The following NALF1 variants were observed in gnomAD, a reference collection of about 807,000 sequenced individuals.
The protein encoded by NALF1 is family with sequence similarity 155 member A.
A neutral mutation model predicts 48.4 loss-of-function variants in NALF1; 3 were observed. The observed-to-expected ratio is 0.06, with a 90% CI of 0.03 to 0.16. The LOEUF is 0.16. Ranked by LOEUF, NALF1 falls within the 10% of genes least tolerant of loss-of-function variation. The pLI, the probability that NALF1 is intolerant of heterozygous loss-of-function variation, is 1.00. For missense variants in NALF1, 526 were observed against 571.5 expected (o/e 0.92, Z 0.81); for synonymous variants, 262 against 245.7 (o/e 1.07, Z -0.62).
At chr13:107,582,225 G>C (rs751336497) in intron 1 of NALF1, among the ~76,000 whole-genome samples, 1 of 152,078 alleles carries the variant, frequency 6.6e-6, no homozygotes, top group Non-Finnish European at 1.5e-5. Flanking sequence ...TAATGACTCC[G>C]AAGTAGACAT....
At chr13:107,740,504 T>C (rs1278142915) in intron 1 of NALF1, among the ~76,000 whole-genome samples, 2 of 152,202 alleles carry the variant, frequency 1.3e-5, no homozygotes, top group Non-Finnish European at 2.9e-5. Context: ...ACACTGAATT[T>C]CTTGAAATTA....
At chr13:107,798,848 T>C in intron 1 of NALF1, among the ~76,000 whole-genome samples, 1 of 152,178 alleles carries the variant, frequency 6.6e-6, no homozygotes, top group South Asian at 2.1e-4. Context: ...TGCCCCCAAA[T>C]ATTGTAGAAC....
chr13:107,563,437 G>A (rs891253800), intron 1 of NALF1, among the ~76,000 whole-genome samples: 8 of 152,194 alleles, frequency 5.3e-5, no homozygotes, highest in Non-Finnish European at 1.0e-4. Context: ...CTGAGAACTT[G>A]AGATGGGAAT....
chr13:107,562,350 T>C (rs1418511756), intron 1 of NALF1, among the ~76,000 whole-genome samples: 2 of 152,210 alleles, frequency 1.3e-5, no homozygotes, highest in African/African-American at 2.4e-5. Context: ...GTAATTTGTA[T>C]ATTGTATCCT....
At chr13:107,276,510 T>A (rs763724006) in intron 1 of NALF1, among the ~76,000 whole-genome samples, 6 of 152,104 alleles carry the variant, frequency 3.9e-5, no homozygotes, top group Non-Finnish European at 7.4e-5. Context: ...AAAAAGGTGG[T>A]TTCACACTGA....
At chr13:107,857,367 A>G (rs1252162009) in intron 1 of NALF1, among the ~76,000 whole-genome samples, 2 of 152,242 alleles carry the variant, frequency 1.3e-5, no homozygotes, top group Non-Finnish European at 2.9e-5. Flanking sequence ...CAAAGTTCAC[A>G]TCTTCTACAG....
intron 1 of NALF1, among the ~76,000 whole-genome samples, chr13:107,546,627 T>TTC (rs1426824362): frequency 1.3e-5 from 2 of 151,950 alleles, no homozygotes; most frequent in African/African-American, 4.8e-5. Flanking sequence ...ATTTTGTGGT[T>TTC]TCTCTCTCTC....
chr13:107,784,776 T>C (rs1878021067), intron 1 of NALF1, among the ~76,000 whole-genome samples: 1 of 152,056 alleles, frequency 6.6e-6, no homozygotes, highest in Non-Finnish European at 1.5e-5. Context: ...ATGTGGCAAT[T>C]AGGGAATCCT....
chr13:107,523,871 C>T (rs1876337722), intron 1 of NALF1, among the ~76,000 whole-genome samples: 1 of 151,902 alleles, frequency 6.6e-6, no homozygotes, highest in Admixed American at 6.6e-5. Context: ...TAATTACATG[C>T]TATGTTATAA....
At chr13:107,648,358 T>C (rs577055536) in intron 1 of NALF1, among the ~76,000 whole-genome samples, 6 of 152,274 alleles carry the variant, frequency 3.9e-5, no homozygotes, top group African/African-American at 1.4e-4. Context: ...TCCCTCCAAA[T>C]CCACGATAAC....
chr13:107,412,581 A>G (rs77947215), intron 1 of NALF1, among the ~76,000 whole-genome samples: 4,839 of 152,208 alleles, frequency 0.032, 255 homozygotes, highest in African/African-American at 0.11. Flanking sequence ...ATTGCTTGCT[A>G]TATTTGTGCC....
chr13:107,564,674 T>C (rs146972125), intron 1 of NALF1, among the ~76,000 whole-genome samples: 1 of 152,298 alleles, frequency 6.6e-6, no homozygotes, highest in Non-Finnish European at 1.5e-5. Flanking sequence ...AAAGCCTCCA[T>C]ACACCTTCCT....
At chr13:107,476,053 T>C (rs1885172928) in intron 1 of NALF1, among the ~76,000 whole-genome samples, 1 of 152,140 alleles carries the variant, frequency 6.6e-6, no homozygotes. Flanking sequence ...CTATATTCTT[T>C]TGAGAAATGT....
chr13:107,202,002 A>G, intron 2 of NALF1, among the ~76,000 whole-genome samples: 1 of 152,190 alleles, frequency 6.6e-6, no homozygotes, highest in Non-Finnish European at 1.5e-5. Context: ...AACATACCAT[A>G]TTTAGGACTG....
chr13:107,707,822 T>C (rs565940237), intron 1 of NALF1, among the ~76,000 whole-genome samples: 6 of 152,308 alleles, frequency 3.9e-5, no homozygotes, highest in Admixed American at 1.3e-4. Context: ...AGCCACACAA[T>C]TAGCCAATGT....
intron 1 of NALF1, among the ~76,000 whole-genome samples, chr13:107,407,765 A>G (rs1012848684): frequency 6.6e-6 from 1 of 152,134 alleles, no homozygotes; most frequent in Non-Finnish European, 1.5e-5. Context: ...CACGAAAGAA[A>G]GAAAATTAGT....
chr13:107,640,377 T>C (rs1880118446), intron 1 of NALF1, among the ~76,000 whole-genome samples: 2 of 152,208 alleles, frequency 1.3e-5, no homozygotes, highest in South Asian at 4.1e-4. Flanking sequence ...CAGGGAATTT[T>C]AGAATTTAAA....
chr13:107,615,911 C>G (rs1273309892), intron 1 of NALF1, among the ~76,000 whole-genome samples: 1 of 152,140 alleles, frequency 6.6e-6, no homozygotes, highest in East Asian at 1.9e-4. Flanking sequence ...TAGTTAAAAG[C>G]CTTATGGTAA....
At chr13:107,248,841 G>A (rs1489510784) in intron 1 of NALF1, among the ~76,000 whole-genome samples, 2 of 151,400 alleles carry the variant, frequency 1.3e-5, no homozygotes. Flanking sequence ...ACAGAGTTCA[G>A]AAATAGGCAA....
Sources: gnomAD v4.1 joint callset for allele counts (sites outside exome capture counted in the v4.1 genomes callset) on GRCh38, gnomAD v4.1.1 for gene constraint, MANE v1.5 for transcripts, NCBI Gene and HGNC (gene_info 2026-07-23, HGNC 2026-07-21) for gene names.